The following PRKCH variants were observed in gnomAD, a reference collection of about 807,000 sequenced individuals.
PRKCH encodes the protein protein kinase C eta.
In PRKCH, 28 loss-of-function variants were observed where a neutral mutation model predicts 82.5. That is an observed-to-expected ratio of 0.34 (90% confidence interval 0.25 to 0.47). The LOEUF (loss-of-function observed/expected upper bound fraction) is 0.47, where lower values mean the gene tolerates loss of function less well. PRKCH is among the 20% of genes least tolerant of loss of function. PRKCH has a pLI of 1.00. For synonymous variants in PRKCH, 322 were observed against 327.4 expected, an observed-to-expected ratio of 0.98 and a Z score of 0.18; for missense variants, 705 against 881.8, an observed-to-expected ratio of 0.80 and a Z score of 2.54.
At chr14:61,453,397 C>A in intron 7 of PRKCH, 44 bp downstream of exon 7, 1 of 1,598,250 alleles carries the variant, frequency 6.3e-7, no homozygotes, top group East Asian at 2.2e-5. Flanking sequence ...TTAGAAGTTG[C>A]TCAGATGTGA....
Position 61,530,407 on chromosome 14 carries a change from A to T in PRKCH, c.1573A>T (p.Ile525Phe), listed in dbSNP as rs369628916. ...CGTPDYIAPEILQEMLYGPAV... is the reference protein window; with the variant it reads ...CGTPDYIAPEFLQEMLYGPAV... ...TTCTCACGCTGCCCCCTTTGCACAG[A>T]TCCTCCAGGAAATGCTGTACGGGCC... The change falls in exon 12 of 14, where the codon ATC becomes TTC. Residue 525 changes from isoleucine to phenylalanine, a missense_variant and splice_region_variant. This residue lies in a region of PRKCH where 115 missense variants were observed against 193.8 expected (regional missense o/e 0.59). Coordinates refer to ENST00000332981, the MANE Select transcript of PRKCH (RefSeq NM_006255.5). The T allele has an allele frequency of 6.3e-7, 1 of 1,578,382 alleles. No homozygotes were observed. The highest frequency in any genetic ancestry group is 8.6e-7 in the Non-Finnish European group (1 of 1,159,528).
chr14:61,432,214 G>T (rs1420214388), intron 2 of PRKCH, among the ~76,000 whole-genome samples: 2 of 151,948 alleles, frequency 1.3e-5, no homozygotes, highest in Non-Finnish European at 2.9e-5. Context: ...CCTGGCTTAT[G>T]TGCATTTCCT....
intron 2 of PRKCH, among the ~76,000 whole-genome samples, chr14:61,439,348 G>A (rs996944812): frequency 6.6e-6 from 1 of 152,128 alleles, no homozygotes; most frequent in African/African-American, 2.4e-5. Context: ...CTAGAACATG[G>A]TGACAGTGAA....
intron 1 of PRKCH, among the ~76,000 whole-genome samples, chr14:61,257,748 G>C (rs577149838): frequency 6.6e-5 from 10 of 151,598 alleles, no homozygotes; most frequent in Non-Finnish European, 1.0e-4. Flanking sequence ...TCTTTGCCTT[G>C]ACTTAGGAAT....
chr14:61,204,763 G>GGA (rs2044509174), intron 1 of PRKCH, among the ~76,000 whole-genome samples: 1 of 106,206 alleles, frequency 9.4e-6, no homozygotes, highest in African/African-American at 3.4e-5. Flanking sequence ...CCTTTCTCAA[G>GGA]AAAAAAAAAA....
At chr14:61,477,580 A>G (rs1340390241) in intron 9 of PRKCH, among the ~76,000 whole-genome samples, 1 of 152,266 alleles carries the variant, frequency 6.6e-6, no homozygotes, top group Non-Finnish European at 1.5e-5. Flanking sequence ...TTTAGTACAT[A>G]AGGAGGGCAT....
intron 2 of PRKCH, among the ~76,000 whole-genome samples, chr14:61,432,706 C>T (rs1003708037): frequency 4.6e-5 from 7 of 152,066 alleles, no homozygotes; most frequent in African/African-American, 1.7e-4. Flanking sequence ...TTGACTCAGC[C>T]TTTTCCATTT....
At chr14:61,515,113 C>G (rs998697485) in intron 10 of PRKCH, among the ~76,000 whole-genome samples, 4 of 152,156 alleles carry the variant, frequency 2.6e-5, no homozygotes, top group African/African-American at 7.2e-5. Flanking sequence ...TGTTATCACA[C>G]CACTGAGTGT....
At chr14:61,237,084 A>G (rs1437193534) in intron 1 of PRKCH, among the ~76,000 whole-genome samples, 2 of 151,834 alleles carry the variant, frequency 1.3e-5, no homozygotes, top group Admixed American at 6.6e-5. Flanking sequence ...TGGGGTCTGG[A>G]TACAGACCCC....
chr14:61,402,797 CA>C (rs906311996), intron 2 of PRKCH, among the ~76,000 whole-genome samples: 2 of 139,292 alleles, frequency 1.4e-5, no homozygotes, highest in African/African-American at 2.7e-5. Context: ...AACTCTGTCT[CA>C]AAAAAAAAGA....
chr14:61,251,859 A>T (rs2140073496), intron 1 of PRKCH, among the ~76,000 whole-genome samples: 1 of 151,620 alleles, frequency 6.6e-6, no homozygotes, highest in South Asian at 2.1e-4. Flanking sequence ...ATTTGTTTTG[A>T]GATGGAGTTT....
At chr14:61,315,718 A>G (rs1225095715) in intron 1 of PRKCH, among the ~76,000 whole-genome samples, 1 of 146,152 alleles carries the variant, frequency 6.8e-6, no homozygotes, top group East Asian at 2.0e-4. Context: ...GCATATTTAT[A>G]TTTCTTACTC....
intron 1 of PRKCH, among the ~76,000 whole-genome samples, chr14:61,325,206 A>G (rs1186592593): frequency 6.6e-6 from 1 of 152,234 alleles, no homozygotes; most frequent in African/African-American, 2.4e-5. Flanking sequence ...AGAGTATCTG[A>G]TTTCAAGGCT....
intron 1 of PRKCH, among the ~76,000 whole-genome samples, chr14:61,269,642 C>T (rs755485611): frequency 6.6e-6 from 1 of 152,200 alleles, no homozygotes; most frequent in Admixed American, 6.5e-5. Context: ...GCTTTAATTT[C>T]TATAGCTACT....
intron 1 of PRKCH, among the ~76,000 whole-genome samples, chr14:61,190,325 T>C (rs1408295903): frequency 1.3e-5 from 2 of 152,156 alleles, no homozygotes; most frequent in Admixed American, 1.3e-4. Context: ...GTCTTCACAG[T>C]CCTTCGACTT....
At chr14:61,514,872 G>T (rs1280641038) in intron 10 of PRKCH, among the ~76,000 whole-genome samples, 5 of 152,182 alleles carry the variant, frequency 3.3e-5, no homozygotes, top group Admixed American at 1.3e-4. Context: ...TGTTCTCTCT[G>T]CCTGCCTCTT....
intron 9 of PRKCH, among the ~76,000 whole-genome samples, chr14:61,467,278 C>G (rs1885302242): frequency 6.6e-6 from 1 of 152,198 alleles, no homozygotes; most frequent in Non-Finnish European, 1.5e-5. Context: ...ATAAGCCTCT[C>G]CACCTAAATG....
At position 61,283,088 on chromosome 14, in the gene PRKCH, T is replaced by G. The variant is rs570478579; in HGVS notation, c.-19+95420T>G. ...TCTCCCTCAGTTGTCCAGGCTTGTCTCAAACTCTTGAGCCCAAGAGATCCT... is the reference window on the plus strand; with the variant it reads ...TCTCCCTCAGTTGTCCAGGCTTGTCGCAAACTCTTGAGCCCAAGAGATCCT... On this transcript the variant is annotated intron_variant, in intron 1 of 3. Coordinates refer to the PRKCH transcript ENST00000555185. 5.9e-5 allele frequency among the ~76,000 whole-genome samples: 9 copies of G among 152,066 alleles called. No homozygotes were observed. The East Asian group carries it at 7.7e-4, about 13-fold the overall frequency.
chr14:61,485,192 G>C (rs570313147), intron 9 of PRKCH, among the ~76,000 whole-genome samples: 149 of 152,198 alleles, frequency 9.8e-4, no homozygotes, highest in Non-Finnish European at 1.0e-3. Context: ...CTCTCTCCAG[G>C]TACATGACCT....
Sources: allele counts gnomAD v4.1 joint callset (sites outside exome capture counted in the v4.1 genomes callset), GRCh38; gene constraint gnomAD v4.1.1; regional missense constraint gnomAD v4.1.1; transcripts MANE v1.5; gene names NCBI Gene and HGNC (gene_info 2026-07-23, HGNC 2026-07-21).